The following MAD1L1 variants were observed in gnomAD, a reference collection of about 807,000 sequenced individuals.
The protein encoded by MAD1L1 is mitotic spindle assembly checkpoint protein MAD1.
Under a neutral mutation model 96.9 loss-of-function variants are expected in MAD1L1, and 95 were observed. That is an observed-to-expected ratio of 0.98 (90% CI 0.83 to 1.16). MAD1L1 has a LOEUF of 1.16. Among genes scored for constraint, MAD1L1 ranks in the 50% most tolerant of loss-of-function variants. MAD1L1 has a pLI of 0.00. For synonymous variants in MAD1L1, 473 were observed against 396.6 expected, an observed-to-expected ratio of 1.19 and a Z score of -2.29; for missense variants, 1,007 against 954.4, an observed-to-expected ratio of 1.06 and a Z score of -0.73.
intron 17 of MAD1L1, among the ~76,000 whole-genome samples, chr7:1,913,808 G>A (rs1488919666): frequency 6.6e-6 from 1 of 152,256 alleles, no homozygotes; most frequent in Non-Finnish European, 1.5e-5. Flanking sequence ...GTGGAGGGGA[G>A]GCTCCCTGGC....
intron 15 of MAD1L1, among the ~76,000 whole-genome samples, chr7:1,973,950 G>A (rs184801241): frequency 9.2e-5 from 14 of 152,346 alleles, no homozygotes; most frequent in African/African-American, 2.4e-5. Context: ...GGCAGGAGAC[G>A]CGCTCCCCGA....
intron 18 of MAD1L1, among the ~76,000 whole-genome samples, chr7:1,885,350 C>T (rs550998900): frequency 1.3e-5 from 2 of 152,298 alleles, no homozygotes; most frequent in South Asian, 4.1e-4. Context: ...CCCCAAAAAC[C>T]CTGTGTCCCA....
intron 11 of MAD1L1, among the ~76,000 whole-genome samples, chr7:2,140,160 C>T (rs980473747): frequency 2.6e-5 from 4 of 152,210 alleles, no homozygotes; most frequent in South Asian, 2.1e-4. Context: ...CCCCTGCAGA[C>T]GCCTCTCCCA....
At chr7:2,196,171 T>G (rs528581546) in intron 10 of MAD1L1, among the ~76,000 whole-genome samples, 2 of 152,362 alleles carry the variant, frequency 1.3e-5, no homozygotes, top group African/African-American at 4.8e-5. Flanking sequence ...CCCAGCTTAG[T>G]CCACAGGGTT....
intron 18 of MAD1L1, among the ~76,000 whole-genome samples, chr7:1,893,142 A>T (rs1009406852): frequency 6.6e-6 from 1 of 152,164 alleles, no homozygotes; most frequent in Non-Finnish European, 1.5e-5. Context: ...GAGCAGAGGC[A>T]GCAGGTTCCC....
At chr7:2,135,284 C>T (rs573531467) in intron 11 of MAD1L1, among the ~76,000 whole-genome samples, 95 of 152,148 alleles carry the variant, frequency 6.2e-4, no homozygotes, top group Non-Finnish European at 1.2e-3. Context: ...AAGAAGAGAC[C>T]GTGGCAGATG....
chr7:1,855,512 A>C (rs1784203620), intron 18 of MAD1L1, among the ~76,000 whole-genome samples: 1 of 151,670 alleles, frequency 6.6e-6, no homozygotes, highest in South Asian at 2.1e-4. Context: ...CTCATCCCTC[A>C]CACACTCACT....
intron 16 of MAD1L1, among the ~76,000 whole-genome samples, chr7:1,937,659 AGACCCCGACCTCACGCCACACACAAACAT>A (rs1778690628): frequency 6.7e-6 from 1 of 149,700 alleles, no homozygotes; most frequent in Admixed American, 6.7e-5. Context: ...TGCGCACCCG[AGACCCCGACCTCACGCCACACACAAACAT>A]CAGCCGCCCA....
intron 12 of MAD1L1, among the ~76,000 whole-genome samples, chr7:2,068,903 C>T (rs1171400074): frequency 1.3e-5 from 2 of 152,162 alleles, no homozygotes; most frequent in African/African-American, 4.8e-5. Flanking sequence ...GCAGGGGGTC[C>T]GCAGTGACAG....
chr7:1,819,642 G>T (rs1305436030), intron 18 of MAD1L1, among the ~76,000 whole-genome samples: 1 of 152,156 alleles, frequency 6.6e-6, no homozygotes, highest in Non-Finnish European at 1.5e-5. Flanking sequence ...CTAAGCGCTG[G>T]TCCCACCATC....
chr7:2,012,374 G>A (rs1460055957), intron 13 of MAD1L1, among the ~76,000 whole-genome samples: 2 of 152,214 alleles, frequency 1.3e-5, no homozygotes, highest in Non-Finnish European at 2.9e-5. Context: ...CGGCAGAAGG[G>A]GTCAGAGACC....
At chr7:2,007,821 C>G (rs1341901181) in intron 13 of MAD1L1, among the ~76,000 whole-genome samples, 3 of 152,246 alleles carry the variant, frequency 2.0e-5, no homozygotes, top group Admixed American at 6.5e-5. Context: ...GGAAACCACC[C>G]TGGTATTGGT....
intron 13 of MAD1L1, among the ~76,000 whole-genome samples, chr7:2,009,702 T>C (rs1782203703): frequency 6.6e-6 from 1 of 152,122 alleles, no homozygotes; most frequent in Admixed American, 6.5e-5. Context: ...CAGCCCCTGA[T>C]GCAAGGAAGG....
chr7:2,150,304 G>T (rs1194697291), intron 10 of MAD1L1, among the ~76,000 whole-genome samples: 2 of 152,142 alleles, frequency 1.3e-5, no homozygotes, highest in Non-Finnish European at 2.9e-5. Flanking sequence ...CCACGGAGAG[G>T]CACACTGCAA....
chr7:2,079,572 T>C (rs1452325534), intron 11 of MAD1L1: 2 of 464,532 alleles, frequency 4.3e-6, no homozygotes, highest in Non-Finnish European at 9.0e-6. Context: ...CATTCCCAGA[T>C]AAACAGAGGC....
intron 18 of MAD1L1, among the ~76,000 whole-genome samples, chr7:1,869,260 G>A (rs930324149): frequency 6.6e-6 from 1 of 152,166 alleles, no homozygotes; most frequent in Non-Finnish European, 1.5e-5. Context: ...CCCACGTGGA[G>A]AGCACCCCTT....
intron 18 of MAD1L1, chr7:1,874,511 G>C (rs1315281192): frequency 8.8e-6 from 4 of 455,394 alleles, no homozygotes; most frequent in Admixed American, 2.4e-5. Context: ...TAATCCTATA[G>C]CTTTCCGCAC....
intron 12 of MAD1L1, among the ~76,000 whole-genome samples, chr7:2,036,415 G>A (rs560276101): frequency 6.6e-5 from 10 of 152,296 alleles, no homozygotes; most frequent in African/African-American, 1.4e-4. Context: ...ACCTCCGTGC[G>A]GGGAACCAGA....
chr7:2,082,883 C>T (rs1785724119), intron 11 of MAD1L1, among the ~76,000 whole-genome samples: 2 of 152,228 alleles, frequency 1.3e-5, no homozygotes, highest in Non-Finnish European at 2.9e-5. Context: ...GCACATTCGG[C>T]CTGTTTATTT....
Sources: gnomAD v4.1 joint callset for allele counts (sites outside exome capture counted in the v4.1 genomes callset) on GRCh38, gnomAD v4.1.1 for gene constraint, MANE v1.5 for transcripts, NCBI Gene and HGNC (gene_info 2026-07-23, HGNC 2026-07-21) for gene names.